The following MARCHF3 variants were observed in gnomAD, a reference collection of about 807,000 sequenced individuals.
MARCHF3 encodes the protein E3 ubiquitin-protein ligase MARCHF3.
A neutral mutation model predicts 24.2 loss-of-function variants in MARCHF3; 13 were observed. The observed-to-expected ratio is 0.54, with a 90% CI of 0.35 to 0.85. MARCHF3 has a LOEUF of 0.85. Ranked by LOEUF, MARCHF3 falls within the 40% of genes least tolerant of loss-of-function variation. MARCHF3 has a pLI of 0.01. For missense variants in MARCHF3, 276 were observed against 325.0 expected, an observed-to-expected ratio of 0.85 and a Z score of 1.16; for synonymous variants, 144 against 137.3, an observed-to-expected ratio of 1.05 and a Z score of -0.34.
intron 4 of MARCHF3, among the ~76,000 whole-genome samples, chr5:126,876,662 T>C (rs1753168959): frequency 6.6e-6 from 1 of 152,094 alleles, no homozygotes; most frequent in Non-Finnish European, 1.5e-5. Context: ...TAGACTTTTT[T>C]TTTTTTGAGA....
intron 1 of MARCHF3, among the ~76,000 whole-genome samples, chr5:126,966,601 G>A (rs1580689745): frequency 6.6e-6 from 1 of 152,032 alleles, no homozygotes; most frequent in African/African-American, 2.4e-5. Flanking sequence ...GGGTGAATCA[G>A]ATTTCCTAGA....
intron 3 of MARCHF3, among the ~76,000 whole-genome samples, chr5:126,913,341 T>A (rs769465177): frequency 6.6e-6 from 1 of 152,216 alleles, no homozygotes; most frequent in Non-Finnish European, 1.5e-5. Flanking sequence ...GAGGCTGCAA[T>A]ATCAAATTGG....
At chr5:126,871,761 C>T (rs750906447) in intron 4 of MARCHF3, among the ~76,000 whole-genome samples, 2 of 151,202 alleles carry the variant, frequency 1.3e-5, no homozygotes, top group South Asian at 2.1e-4. Flanking sequence ...AGCTCAAGTG[C>T]GGTGACATGA....
At chr5:126,881,863 A>G (rs1753353396) in intron 3 of MARCHF3, among the ~76,000 whole-genome samples, 1 of 152,186 alleles carries the variant, frequency 6.6e-6, no homozygotes, top group South Asian at 2.1e-4. Flanking sequence ...AGGGAGAGAG[A>G]CAGACACACA....
chr5:126,947,524 T>C (rs568497124), intron 1 of MARCHF3, among the ~76,000 whole-genome samples: 22 of 152,278 alleles, frequency 1.4e-4, no homozygotes, highest in Non-Finnish European at 2.5e-4. Flanking sequence ...CCTTAGATTA[T>C]AGAACACCAA....
chr5:126,923,180 A>T (rs1749181579), intron 1 of MARCHF3, among the ~76,000 whole-genome samples: 1 of 152,204 alleles, frequency 6.6e-6, no homozygotes, highest in Non-Finnish European at 1.5e-5. Context: ...AAAAACAAAG[A>T]TATATGAGGA....
intron 1 of MARCHF3, among the ~76,000 whole-genome samples, chr5:127,015,288 A>T (rs1241881685): frequency 1.3e-5 from 2 of 152,234 alleles, no homozygotes; most frequent in South Asian, 4.1e-4. Context: ...CTAGAAAACA[A>T]TGTCAAGTAG....
intron 3 of MARCHF3, among the ~76,000 whole-genome samples, chr5:126,890,349 C>T (rs907378923): frequency 1.5e-4 from 23 of 151,154 alleles, no homozygotes; most frequent in Non-Finnish European, 2.7e-4. Context: ...AGGTTAGTTA[C>T]ATATGTATAC....
chr5:126,923,321 T>C (rs1272437092), intron 1 of MARCHF3, among the ~76,000 whole-genome samples: 2 of 152,244 alleles, frequency 1.3e-5, no homozygotes, highest in Non-Finnish European at 2.9e-5. Context: ...TTTTCAGGCC[T>C]ACTTGTATCA....
Position 126,985,919 on chromosome 5 carries a change from T to C in MARCHF3, c.-57+44431A>G, listed in dbSNP as rs938673241. On this transcript the variant is annotated intron_variant, in intron 1 of 4. Transcript: ENST00000308660. ...CATGACTCTATTTGGTCCCTGGATATAGAACATACAAGGAACACAGTGGGG... is the reference window on the plus strand; with the variant it reads ...CATGACTCTATTTGGTCCCTGGATACAGAACATACAAGGAACACAGTGGGG... Among the ~76,000 whole-genome samples the C allele has an allele frequency of 4.6e-5, 7 of 152,202 alleles. No homozygotes were observed. The South Asian group carries it at 1.4e-3, about 32-fold the overall frequency.
chr5:126,880,542 T>C (rs1176964438), intron 3 of MARCHF3, among the ~76,000 whole-genome samples: 1 of 152,176 alleles, frequency 6.6e-6, no homozygotes, highest in Admixed American at 6.5e-5. Context: ...AATATCACTA[T>C]CAAGTGGAGA....
chr5:126,962,830 T>TGTGC (rs796364279), intron 1 of MARCHF3, among the ~76,000 whole-genome samples: 2 of 54,062 alleles, frequency 3.7e-5, no homozygotes, highest in Non-Finnish European at 9.1e-5. Flanking sequence ...TGTGTGTGTG[T>TGTGC]GTGCGTGTGT....
chr5:127,000,760 G>A (rs913774755), intron 1 of MARCHF3, among the ~76,000 whole-genome samples: 1 of 151,798 alleles, frequency 6.6e-6, no homozygotes, highest in South Asian at 2.1e-4. Flanking sequence ...GTGCAGTGGC[G>A]CTATCTCGGC....
intron 1 of MARCHF3, among the ~76,000 whole-genome samples, chr5:126,964,334 G>A (rs1750735709): frequency 6.6e-6 from 1 of 152,124 alleles, no homozygotes; most frequent in African/African-American, 2.4e-5. Context: ...CTACTTGCTG[G>A]ATATACATAA....
intron 1 of MARCHF3, among the ~76,000 whole-genome samples, chr5:126,963,192 G>A (rs1338335064): frequency 2.0e-5 from 3 of 152,080 alleles, no homozygotes; most frequent in African/African-American, 7.2e-5. Context: ...TGAAACAAGT[G>A]AGCAAAGAAT....
At chr5:126,880,018 C>G (rs573157131) in intron 3 of MARCHF3, among the ~76,000 whole-genome samples, 173 of 152,144 alleles carry the variant, frequency 1.1e-3, no homozygotes, top group African/African-American at 4.0e-3. Flanking sequence ...AAGAGAAGGG[C>G]CATGATGGGT....
intron 3 of MARCHF3, among the ~76,000 whole-genome samples, chr5:126,890,826 T>C (rs1753663788): frequency 1.3e-5 from 2 of 148,400 alleles, no homozygotes; most frequent in Non-Finnish European, 1.5e-5. Flanking sequence ...CTGGGTCAAA[T>C]GGTATTTCTA....
Position 126,915,076 on chromosome 5 carries a change from A to C in MARCHF3, c.247T>G (p.Leu83Val). 6.2e-7 allele frequency: 1 copy of C among 1,614,192 alleles called. No individual in the cohort carries two copies. The highest frequency in any genetic ancestry group is 8.5e-7 in the Non-Finnish European group (1 of 1,180,038). Reference sequence around the variant, plus strand: ...CCTGTACATTCACATGGAGAGAGCAAGTCCTCTTGGCTGCTGCCCTCGTGG... The same window carrying C: ...CCTGTACATTCACATGGAGAGAGCACGTCCTCTTGGCTGCTGCCCTCGTGG... ...ICHEGSSQED[L>V]LSPCECTGTL... The change falls in exon 3 of 5, where the codon TTG becomes GTG. Residue 83 changes from leucine (L) to valine (V), a missense_variant. Leu to Val is a conservative substitution (Grantham distance 32, BLOSUM62 1). Coordinates refer to ENST00000308660, the MANE Select transcript of MARCHF3 (RefSeq NM_178450.5).
At chr5:126,904,933 T>A (rs1754234206) in intron 3 of MARCHF3, among the ~76,000 whole-genome samples, 2 of 132,964 alleles carry the variant, frequency 1.5e-5, no homozygotes, top group Non-Finnish European at 3.2e-5. Flanking sequence ...TCTTCTAGGG[T>A]TTTTATGGTT....
Sources: allele counts gnomAD v4.1 joint callset (sites outside exome capture counted in the v4.1 genomes callset), GRCh38; gene constraint gnomAD v4.1.1; transcripts MANE v1.5; gene names NCBI Gene and HGNC (gene_info 2026-07-23, HGNC 2026-07-21).